The following ASIC2 variants were observed in gnomAD, a reference collection of about 807,000 sequenced individuals.
ASIC2 encodes acid-sensing ion channel 2.
ASIC2 carries 25 observed loss-of-function variants against 57.3 expected under a neutral mutation model. The observed-to-expected ratio is 0.44, with a 90% CI of 0.32 to 0.61. The LOEUF (loss-of-function observed/expected upper bound fraction) is 0.61, where lower values mean the gene tolerates loss of function less well. Ranked by LOEUF, ASIC2 falls within the 20% of genes least tolerant of loss-of-function variation. ASIC2 has a pLI of 0.06. For missense variants in ASIC2, 641 were observed against 738.1 expected (o/e 0.87, Z 1.52); for synonymous variants, 319 against 307.5 (o/e 1.04, Z -0.39).
chr17:33,229,497 G>T (rs1597640961), intron 1 of ASIC2, among the ~76,000 whole-genome samples: 1 of 152,156 alleles, frequency 6.6e-6, no homozygotes, highest in African/African-American at 2.4e-5. Flanking sequence ...GTGGGAGGAC[G>T]CTCTTGGGCA....
intron 1 of ASIC2, among the ~76,000 whole-genome samples, chr17:33,834,745 A>T (rs1913220911): frequency 6.6e-6 from 1 of 152,224 alleles, no homozygotes. Flanking sequence ...TCACTGCAAC[A>T]AATTTATCTT....
At chr17:33,336,526 C>T (rs1267307526) in intron 1 of ASIC2, among the ~76,000 whole-genome samples, 1 of 152,138 alleles carries the variant, frequency 6.6e-6, no homozygotes. Flanking sequence ...TACATGAGCA[C>T]CTACTGTATG....
chr17:33,025,889 C>T lies in ASIC2; in HGVS notation c.1195+37G>A, dbSNP rs776813468. 24 of 1,558,482 alleles carry T rather than the reference C, an allele frequency of 1.5e-5. 1 individual carries two copies. Among genetic ancestry groups the T allele is most frequent in the East Asian group, 9.5e-5 (4 of 42,188 alleles). ...TTCCATGATCTCAGTCTCAGGCCCC[C>T]GGCCCCCATGATTCCATCTGTCCCC... On this transcript the variant is annotated intron_variant, in intron 5 of 9. Transcript: ENST00000225823.
intron 1 of ASIC2, among the ~76,000 whole-genome samples, chr17:33,561,794 C>T (rs112040734): frequency 6.6e-6 from 1 of 152,310 alleles, no homozygotes; most frequent in African/African-American, 2.4e-5. Flanking sequence ...GGTTTCCTAG[C>T]AATCAATGAC....
intron 1 of ASIC2, among the ~76,000 whole-genome samples, chr17:34,150,145 CAA>C (rs1199197439): frequency 2.6e-5 from 4 of 152,132 alleles, no homozygotes; most frequent in Non-Finnish European, 5.9e-5. Flanking sequence ...CACAGAAAGA[CAA>C]ATACTGCATG....
chr17:34,127,263 GTC>G (rs1478315369), intron 1 of ASIC2, among the ~76,000 whole-genome samples: 1 of 152,264 alleles, frequency 6.6e-6, no homozygotes, highest in East Asian at 1.9e-4. Flanking sequence ...CAAGATCTGG[GTC>G]TGCCTCTGCA....
chr17:33,404,109 T>C (rs1910382030), intron 1 of ASIC2, among the ~76,000 whole-genome samples: 1 of 152,190 alleles, frequency 6.6e-6, no homozygotes, highest in Non-Finnish European at 1.5e-5. Flanking sequence ...AGTTGCCAAG[T>C]TTGGGAAAGG....
At chr17:33,116,854 A>AAT (rs1414984626) in intron 1 of ASIC2, among the ~76,000 whole-genome samples, 8 of 145,900 alleles carry the variant, frequency 5.5e-5, no homozygotes, top group African/African-American at 2.0e-4. Context: ...GTTTTATATA[A>AAT]TTTTTTTTTT....
Position 34,047,506 on chromosome 17 carries a change from C to CAAAAAA in ASIC2, c.555+108471_555+108472insTTTTTT, listed in dbSNP as rs765688526. ...TCTTAACATGATGTACACCTTTCTC[C>CAAAAAA]AGAAAAAAAAAAAAAAAAAAAAAAA... On this transcript the variant is annotated intron_variant, in intron 1 of 9. Transcript: ENST00000359872. Among the ~76,000 whole-genome samples the CAAAAAA allele has an allele frequency of 1.8e-4, 12 of 68,308 alleles. 3 individuals carry two copies. Among genetic ancestry groups the CAAAAAA allele is most frequent in the Non-Finnish European group, 1.5e-4 (5 of 32,810 alleles). The allele number at this position is 68,308 out of a possible 152,430, so 44.8% of individuals were successfully genotyped here.
intron 1 of ASIC2, among the ~76,000 whole-genome samples, chr17:34,101,453 G>C (rs560726063): frequency 1.3e-5 from 2 of 152,170 alleles, no homozygotes; most frequent in African/African-American, 4.8e-5. Context: ...ACAAACACAC[G>C]GCTCAACTCT....
chr17:33,854,240 G>C (rs222491), intron 1 of ASIC2, among the ~76,000 whole-genome samples: 16,953 of 152,102 alleles, frequency 0.11, 1,454 homozygotes, highest in East Asian at 0.46. Context: ...CTGCACTGTA[G>C]GCATGCATGC....
chr17:33,621,229 G>A (rs1905783582), intron 1 of ASIC2, among the ~76,000 whole-genome samples: 1 of 152,176 alleles, frequency 6.6e-6, no homozygotes, highest in Non-Finnish European at 1.5e-5. Context: ...TATAACGTAA[G>A]TAATATAATA....
At chr17:34,099,461 AG>A (rs1910733349) in intron 1 of ASIC2, among the ~76,000 whole-genome samples, 1 of 145,864 alleles carries the variant, frequency 6.9e-6, no homozygotes, top group African/African-American at 2.6e-5. Flanking sequence ...AAGAAAAGAA[AG>A]AAAGAGAGAG....
At chr17:33,461,589 G>T (rs1247506588) in intron 1 of ASIC2, among the ~76,000 whole-genome samples, 1 of 152,174 alleles carries the variant, frequency 6.6e-6, no homozygotes, top group Non-Finnish European at 1.5e-5. Flanking sequence ...ATAATGACAA[G>T]CAGTGAACAA....
chr17:34,049,688 A>G (rs1449564550), intron 1 of ASIC2, among the ~76,000 whole-genome samples: 1 of 152,200 alleles, frequency 6.6e-6, no homozygotes, highest in Non-Finnish European at 1.5e-5. Flanking sequence ...ATGATATAAA[A>G]CATGCAGTTC....
Position 33,350,472 on chromosome 17 carries a change from G to A in ASIC2, c.556-238405C>T, listed in dbSNP as rs1397213574. Among the ~76,000 whole-genome samples the A allele has an allele frequency of 1.3e-5, 2 of 152,090 alleles. 1 individual carries two copies. Among genetic ancestry groups the A allele is most frequent in the African/African-American group, 4.8e-5 (2 of 41,398 alleles). On this transcript the variant is annotated intron_variant, in intron 1 of 9. Coordinates refer to the ASIC2 transcript ENST00000359872. ...AGGTGGGTGGATCATCCGAGGTCAGGAGTTTGAGACCAGCCTGGCCAACAG... is the reference window on the plus strand; with the variant it reads ...AGGTGGGTGGATCATCCGAGGTCAGAAGTTTGAGACCAGCCTGGCCAACAG...
At chr17:33,878,225 C>G (rs111309443) in intron 1 of ASIC2, among the ~76,000 whole-genome samples, 15 of 152,182 alleles carry the variant, frequency 9.9e-5, no homozygotes, top group Non-Finnish European at 2.2e-4. Context: ...AGGAACACAC[C>G]TCCTCACCAG....
At chr17:34,143,557 A>G (rs1200594740) in intron 1 of ASIC2, among the ~76,000 whole-genome samples, 1 of 152,058 alleles carries the variant, frequency 6.6e-6, no homozygotes, top group Non-Finnish European at 1.5e-5. Flanking sequence ...TTCCCCTCCC[A>G]TTTCTCTGCC....
At chr17:33,379,767 T>C (rs1909412638) in intron 1 of ASIC2, among the ~76,000 whole-genome samples, 1 of 152,186 alleles carries the variant, frequency 6.6e-6, no homozygotes, top group Non-Finnish European at 1.5e-5. Context: ...TAGAGGGCAT[T>C]GGTGGTGAGG....
Sources: allele counts gnomAD v4.1 joint callset (sites outside exome capture counted in the v4.1 genomes callset), GRCh38; gene constraint gnomAD v4.1.1; transcripts MANE v1.5; gene names NCBI Gene and HGNC (gene_info 2026-07-23, HGNC 2026-07-21).